Variants in PLD5 observed in about 807,000 individuals in gnomAD.
PLD5 encodes the protein inactive phospholipase D5.
A neutral mutation model predicts 61.1 loss-of-function variants in PLD5; 36 were observed. The observed-to-expected ratio is 0.59, with a 90% confidence interval of 0.45 to 0.78. PLD5 has a LOEUF of 0.78. PLD5 is among the 30% of genes least tolerant of loss of function. PLD5 has a pLI of 0.00. For synonymous variants in PLD5, 243 were observed against 242.8 expected, an observed-to-expected ratio of 1.00 and a Z score of -0.01; for missense variants, 515 against 644.4, an observed-to-expected ratio of 0.80 and a Z score of 2.17.
intron 4 of PLD5, among the ~76,000 whole-genome samples, chr1:242,260,918 T>C (rs544850151): frequency 1.3e-5 from 2 of 152,360 alleles, no homozygotes; most frequent in Admixed American, 1.3e-4. Context: ...GGAAATATTG[T>C]AGCTTTGCTA....
chr1:242,267,035 G>A (rs946030890), intron 3 of PLD5, among the ~76,000 whole-genome samples: 3 of 151,788 alleles, frequency 2.0e-5, no homozygotes, highest in African/African-American at 7.3e-5. Flanking sequence ...GAGAATCACT[G>A]GAACCTGGGA....
chr1:242,176,976 G>C (rs993308118), intron 5 of PLD5, among the ~76,000 whole-genome samples: 1 of 152,160 alleles, frequency 6.6e-6, no homozygotes, highest in Non-Finnish European at 1.5e-5. Flanking sequence ...CACTGTTGGT[G>C]GGAGTGTAAA....
intron 2 of PLD5, among the ~76,000 whole-genome samples, chr1:242,310,288 AGACC>A (rs1332652438): frequency 6.6e-6 from 1 of 152,142 alleles, no homozygotes; most frequent in Non-Finnish European, 1.5e-5. Context: ...GGCTGTGTAC[AGACC>A]GCCTGTGACT....
chr1:242,374,806 T>C (rs1261871664), intron 1 of PLD5, among the ~76,000 whole-genome samples: 1 of 152,218 alleles, frequency 6.6e-6, no homozygotes, highest in African/African-American at 2.4e-5. Flanking sequence ...GTTCATACTT[T>C]GTTAAACTTA....
chr1:242,130,986 G>A (rs560796852), intron 5 of PLD5, among the ~76,000 whole-genome samples: 2 of 152,176 alleles, frequency 1.3e-5, no homozygotes, highest in South Asian at 2.1e-4. Flanking sequence ...TCAAGAAGCT[G>A]TTATCAGGAT....
chr1:242,481,567 C>T (rs775181143), intron 1 of PLD5, among the ~76,000 whole-genome samples: 4 of 152,246 alleles, frequency 2.6e-5, no homozygotes, highest in Non-Finnish European at 4.4e-5. Context: ...CTGGGAAGCT[C>T]GAACTGGGTG....
upstream of PLD5, among the ~76,000 whole-genome samples, chr1:242,526,157 C>T (rs1463830938): frequency 6.6e-6 from 1 of 152,104 alleles, no homozygotes; most frequent in Non-Finnish European, 1.5e-5. Flanking sequence ...AATCTCAGCC[C>T]CTTGGGAGGA....
chr1:242,277,752 G>A (rs1474442006), intron 3 of PLD5, among the ~76,000 whole-genome samples: 3 of 151,292 alleles, frequency 2.0e-5, no homozygotes, highest in African/African-American at 4.9e-5. Flanking sequence ...GGAGGCCGAC[G>A]CGGAAGGATC....
intron 2 of PLD5, among the ~76,000 whole-genome samples, chr1:242,297,388 T>C: frequency 7.4e-6 from 1 of 134,250 alleles, no homozygotes; most frequent in Admixed American, 8.3e-5. Context: ...CCCCTTTTCC[T>C]ATCACCCTTC....
At chr1:242,090,388 T>C (rs1196278166) in intron 9 of PLD5, among the ~76,000 whole-genome samples, 1 of 152,252 alleles carries the variant, frequency 6.6e-6, no homozygotes, top group Admixed American at 6.5e-5. Context: ...TTATTTCTTA[T>C]TGACATTCAC....
chr1:242,315,331 C>T (rs902719684), intron 2 of PLD5, among the ~76,000 whole-genome samples: 3 of 152,116 alleles, frequency 2.0e-5, no homozygotes, highest in Non-Finnish European at 2.9e-5. Context: ...ATAAACAATA[C>T]CGGAAAGGAC....
upstream of PLD5, among the ~76,000 whole-genome samples, chr1:242,525,919 C>T (rs1454968033): frequency 6.6e-6 from 1 of 152,200 alleles, no homozygotes; most frequent in Non-Finnish European, 1.5e-5. Flanking sequence ...CACAAATACA[C>T]ACATTTTGGT....
intron 5 of PLD5, among the ~76,000 whole-genome samples, chr1:242,187,122 C>T (rs193187901): frequency 7.9e-5 from 12 of 152,326 alleles, no homozygotes; most frequent in South Asian, 4.1e-4. Context: ...TAGCCAGAGA[C>T]GGTCAGGTGG....
intron 1 of PLD5, among the ~76,000 whole-genome samples, chr1:242,435,921 G>A (rs1261591261): frequency 6.6e-6 from 1 of 152,134 alleles, no homozygotes; most frequent in East Asian, 1.9e-4. Context: ...GTAAGCCTCT[G>A]ACTTATAAAA....
chr1:242,315,691 G>A (rs140223304), intron 2 of PLD5, among the ~76,000 whole-genome samples: 3,374 of 152,166 alleles, frequency 0.022, 126 homozygotes, highest in African/African-American at 0.077. Flanking sequence ...TGTCTAGACT[G>A]CATTTGGACT....
At position 242,393,498 on chromosome 1, in the gene PLD5, G is replaced by A. The variant is rs183547841; in HGVS notation, c.190-45256C>T. On this transcript the variant is annotated intron_variant, in intron 1 of 9. Transcript: ENST00000536534. Reference sequence around the variant, plus strand: ...TATGTGTATATATGAGTATATATATGTGTATATATGAGTATATATATATGT... The same window carrying A: ...TATGTGTATATATGAGTATATATATATGTATATATGAGTATATATATATGT... Among the ~76,000 whole-genome samples the A allele has an allele frequency of 2.9e-3, 12 of 4,210 alleles. 4 individuals are homozygous for A. The highest frequency in any genetic ancestry group is 7.9e-3 in the Admixed American group (2 of 252). The allele number at this position is 4,210 out of a possible 152,430, so 2.8% of individuals were successfully genotyped here.
chr1:242,461,360 G>C (rs1205847305), intron 1 of PLD5, among the ~76,000 whole-genome samples: 1 of 152,114 alleles, frequency 6.6e-6, no homozygotes, highest in Non-Finnish European at 1.5e-5. Context: ...TATGTGCTGG[G>C]ACTCTGTTGG....
At chr1:242,346,324 G>A (rs1660136452) in intron 2 of PLD5, among the ~76,000 whole-genome samples, 2 of 152,068 alleles carry the variant, frequency 1.3e-5, no homozygotes, top group Non-Finnish European at 2.9e-5. Context: ...CTGATAATGT[G>A]CACTGAAATG....
upstream of PLD5, among the ~76,000 whole-genome samples, chr1:242,525,199 C>T (rs1481507324): frequency 6.6e-6 from 1 of 152,228 alleles, no homozygotes; most frequent in East Asian, 1.9e-4. Flanking sequence ...GCCGTACACG[C>T]TACTTTCATC....
Sources: allele counts gnomAD v4.1 joint callset (sites outside exome capture counted in the v4.1 genomes callset), GRCh38; gene constraint gnomAD v4.1.1; transcripts MANE v1.5; gene names NCBI Gene and HGNC (gene_info 2026-07-23, HGNC 2026-07-21).